The following AAMDC variants were observed in gnomAD, a reference collection of about 807,000 sequenced individuals.
The protein encoded by AAMDC is mth938 domain-containing protein.
AAMDC carries 16 observed loss-of-function variants against 15.5 expected under a neutral mutation model. That is an observed-to-expected ratio of 1.03 (90% CI 0.70 to 1.57). The LOEUF (loss-of-function observed/expected upper bound fraction) is 1.57. Ranked by LOEUF, AAMDC falls within the 40% of genes most tolerant of loss-of-function variation. The pLI, the probability that AAMDC is intolerant of heterozygous loss-of-function variation, is 0.00. For synonymous variants in AAMDC, 51 were observed against 51.6 expected (o/e 0.99, Z 0.05); for missense variants, 141 against 144.9 (o/e 0.97, Z 0.14).
downstream of AAMDC, among the ~76,000 whole-genome samples, chr11:77,874,631 CACAT>C (rs756923841): frequency 2.6e-5 from 4 of 152,162 alleles, no homozygotes; most frequent in Non-Finnish European, 5.9e-5. Context: ...GCTGTTTCTC[CACAT>C]AACTATACTT....
intron 2 of AAMDC, among the ~76,000 whole-genome samples, chr11:77,856,636 G>T (rs912531501): frequency 6.6e-6 from 1 of 152,062 alleles, no homozygotes; most frequent in African/African-American, 2.4e-5. Flanking sequence ...TTACTATCAC[G>T]GCAGAAGGTG....
chr11:77,894,125 A>C (rs1952404997), intron 5 of AAMDC, among the ~76,000 whole-genome samples: 1 of 152,136 alleles, frequency 6.6e-6, no homozygotes, highest in Non-Finnish European at 1.5e-5. Context: ...AAACCAAATT[A>C]GGTTCTTTTT....
chr11:77,836,083 G>A (rs1354927924), intron 1 of AAMDC, among the ~76,000 whole-genome samples: 1 of 152,064 alleles, frequency 6.6e-6, no homozygotes, highest in Non-Finnish European at 1.5e-5. Context: ...ATGTTGTTGA[G>A]ATAACAGATC....
At chr11:77,859,722 A>G (rs1950794598) in intron 2 of AAMDC, among the ~76,000 whole-genome samples, 1 of 152,230 alleles carries the variant, frequency 6.6e-6, no homozygotes, top group Non-Finnish European at 1.5e-5. Flanking sequence ...GGAACCCCTA[A>G]AAGGTCCCCT....
At chr11:77,879,451 G>C (rs752998830) in intron 5 of AAMDC, among the ~76,000 whole-genome samples, 22 of 152,156 alleles carry the variant, frequency 1.4e-4, no homozygotes, top group Non-Finnish European at 3.1e-4. Context: ...GTGTGGATTT[G>C]GGCAGTTTCA....
intron 2 of AAMDC, among the ~76,000 whole-genome samples, chr11:77,855,132 G>C (rs1273759695): frequency 6.6e-6 from 1 of 152,142 alleles, no homozygotes; most frequent in Admixed American, 6.5e-5. Context: ...GTGAGGCCTT[G>C]TACCTGTCCC....
At chr11:77,867,212 G>A (rs902878357) in intron 2 of AAMDC, among the ~76,000 whole-genome samples, 5 of 152,092 alleles carry the variant, frequency 3.3e-5, no homozygotes, top group South Asian at 2.1e-4. Flanking sequence ...ACTGGAAAAC[G>A]CTTCTTTCTC....
intron 2 of AAMDC, among the ~76,000 whole-genome samples, chr11:77,865,370 G>GT (rs1446327800): frequency 6.6e-6 from 1 of 152,282 alleles, no homozygotes; most frequent in Non-Finnish European, 1.5e-5. Flanking sequence ...AGGGGCCTAG[G>GT]TTTTTTCTTT....
Position 77,883,759 on chromosome 11 carries a change from A to G in AAMDC, c.328+6710A>G, listed in dbSNP as rs1464264333. On this transcript the variant is annotated intron_variant, in intron 5 of 5. Coordinates refer to the AAMDC transcript ENST00000304716. ...TCCATGTATTTTTTTCAAACTTTAAAAACCAAACGCTTAAGGGTAGGTGTG... is the reference window on the plus strand; with the variant it reads ...TCCATGTATTTTTTTCAAACTTTAAGAACCAAACGCTTAAGGGTAGGTGTG... The G allele has an allele frequency of 6.6e-6, 10 of 1,519,564 alleles. No homozygotes were observed. In the African/African-American group the frequency reaches 1.2e-4, roughly 19 times the overall value. The allele number at this position is 1,519,564 out of a possible 1,614,324, so 94.1% of individuals were successfully genotyped here.
chr11:77,833,197 AT>A (rs1949534294), intron 1 of AAMDC, among the ~76,000 whole-genome samples: 6 of 151,016 alleles, frequency 4.0e-5, no homozygotes, highest in African/African-American at 1.2e-4. Context: ...TTTAGTAGAG[AT>A]GGGGTTTTCG....
intron 1 of AAMDC, among the ~76,000 whole-genome samples, chr11:77,834,384 G>A (rs1949584007): frequency 1.3e-5 from 2 of 151,512 alleles, no homozygotes; most frequent in Admixed American, 6.6e-5. Flanking sequence ...AAACTGAGAA[G>A]GGCATGAGGA....
intron 1 of AAMDC, among the ~76,000 whole-genome samples, chr11:77,835,947 G>A (rs1166552941): frequency 6.6e-6 from 1 of 152,014 alleles, no homozygotes; most frequent in Non-Finnish European, 1.5e-5. Context: ...TAAAGTTGGA[G>A]TAGAATGGCA....
chr11:77,878,115 C>CATTTTGGG (rs1273458117), intron 5 of AAMDC, among the ~76,000 whole-genome samples: 1 of 152,134 alleles, frequency 6.6e-6, no homozygotes, highest in Non-Finnish European at 1.5e-5. Context: ...GTAATCCCAG[C>CATTTTGGG]ATTTTGGGAG....
At chr11:77,877,813 G>GCTCAAGAAATCCTCCTGC (rs969910362) in intron 5 of AAMDC, among the ~76,000 whole-genome samples, 9 of 151,944 alleles carry the variant, frequency 5.9e-5, no homozygotes, top group Middle Eastern at 6.8e-3. Context: ...GAACTCCTGG[G>GCTCAAGAAATCCTCCTGC]CTCAAGAAAT....
intron 5 of AAMDC, among the ~76,000 whole-genome samples, chr11:77,882,248 G>T (rs987364479): frequency 6.6e-6 from 1 of 152,104 alleles, no homozygotes; most frequent in Non-Finnish European, 1.5e-5. Flanking sequence ...GCTCAGGATC[G>T]CCTGGCAATA....
downstream of AAMDC, among the ~76,000 whole-genome samples, chr11:77,876,252 G>C (rs974921359): frequency 6.6e-6 from 1 of 152,152 alleles, no homozygotes; most frequent in Non-Finnish European, 1.5e-5. Context: ...CCCCTGTGAT[G>C]AAAGTCACCT....
intron 5 of AAMDC, among the ~76,000 whole-genome samples, chr11:77,895,541 A>G (rs1005776662): frequency 1.4e-5 from 2 of 147,252 alleles, no homozygotes; most frequent in African/African-American, 5.1e-5. Context: ...AAAAAAAAAA[A>G]AAAAAAAAAA....
chr11:77,865,423 C>T (rs148303590), intron 2 of AAMDC, among the ~76,000 whole-genome samples: 42 of 152,170 alleles, frequency 2.8e-4, no homozygotes, highest in African/African-American at 1.0e-3. Flanking sequence ...TTGTAGGAAC[C>T]GGTTGTAGGC....
At chr11:77,853,698 T>G (rs1055121742) in intron 2 of AAMDC, among the ~76,000 whole-genome samples, 2 of 152,084 alleles carry the variant, frequency 1.3e-5, no homozygotes, top group African/African-American at 4.8e-5. Context: ...CCCAGCACTT[T>G]GGGAGGCCAA....
Sources: allele counts gnomAD v4.1 joint callset (sites outside exome capture counted in the v4.1 genomes callset), GRCh38; gene constraint gnomAD v4.1.1; transcripts MANE v1.5; gene names NCBI Gene and HGNC (gene_info 2026-07-23, HGNC 2026-07-21).